Variants in NCALD observed in about 807,000 individuals in gnomAD.
NCALD encodes the protein neurocalcin delta, also known as neurocalcin-delta.
A neutral mutation model predicts 18.6 loss-of-function variants in NCALD; 10 were observed. That is an observed-to-expected ratio of 0.54 (90% confidence interval 0.33 to 0.91). NCALD has a LOEUF of 0.91. Ranked by LOEUF, NCALD falls within the 40% of genes least tolerant of loss-of-function variation. The pLI is 0.03. For missense variants in NCALD, 184 were observed against 247.6 expected (o/e 0.74, Z 1.72); for synonymous variants, 88 against 87.4 (o/e 1.01, Z -0.04).
intron 1 of NCALD, among the ~76,000 whole-genome samples, chr8:102,102,072 T>C (rs1400529571): frequency 1.3e-5 from 2 of 152,240 alleles, no homozygotes; most frequent in Non-Finnish European, 2.9e-5. Context: ...AGTGTTTTTC[T>C]TATTATTGCT....
intron 1 of NCALD, among the ~76,000 whole-genome samples, chr8:102,042,415 C>T (rs904524060): frequency 8.6e-5 from 13 of 151,940 alleles, no homozygotes; most frequent in Non-Finnish European, 1.6e-4. Flanking sequence ...GAGAGCTTCA[C>T]ATGGGGCTCC....
At chr8:101,794,130 T>C (rs6468795), upstream of NCALD, among the ~76,000 whole-genome samples, 119,515 of 152,202 alleles carry the variant, frequency 0.79, 47,081 homozygotes, top group African/African-American at 0.83. Context: ...AAAGTTAATA[T>C]ATTATAAAAT....
chr8:101,892,869 A>G (rs370727682), intron 3 of NCALD, among the ~76,000 whole-genome samples: 263 of 142,076 alleles, frequency 1.9e-3, no homozygotes, highest in African/African-American at 5.6e-3. Context: ...TATGTGAAAA[A>G]ACCAAATCTA....
chr8:101,692,665 C>T (rs773451699), intron 3 of NCALD, 126 bp downstream of exon 3: 99 of 1,379,160 alleles, frequency 7.2e-5, no homozygotes, highest in Non-Finnish European at 9.3e-5. Context: ...CCCTCCTACC[C>T]ACCCAGGAGG....
chr8:102,043,042 C>G (rs1307872821), intron 1 of NCALD, among the ~76,000 whole-genome samples: 2 of 151,882 alleles, frequency 1.3e-5, no homozygotes, highest in East Asian at 3.9e-4. Context: ...ACATACCACT[C>G]CAACCAGAAC....
chr8:101,792,567 T>C (rs1812485076), upstream of NCALD, among the ~76,000 whole-genome samples: 1 of 152,228 alleles, frequency 6.6e-6, no homozygotes, highest in South Asian at 2.1e-4. Context: ...GAATCCAATG[T>C]CTACCTAAAG....
At chr8:102,023,829 C>T (rs1479403935) in intron 1 of NCALD, among the ~76,000 whole-genome samples, 1 of 146,916 alleles carries the variant, frequency 6.8e-6, no homozygotes, top group Non-Finnish European at 1.5e-5. Context: ...CATCGTGGTG[C>T]CTTGACCCGT....
chr8:101,884,787 A>G (rs974501635), intron 4 of NCALD, among the ~76,000 whole-genome samples: 2 of 152,138 alleles, frequency 1.3e-5, no homozygotes, highest in Non-Finnish European at 2.9e-5. Flanking sequence ...CAGGGAATCA[A>G]TTACTCGACT....
intron 2 of NCALD, among the ~76,000 whole-genome samples, chr8:101,985,581 A>G (rs1454408050): frequency 6.6e-6 from 1 of 152,224 alleles, no homozygotes; most frequent in Non-Finnish European, 1.5e-5. Context: ...TATAACAAAG[A>G]AAAGCAGTTG....
intron 1 of NCALD, among the ~76,000 whole-genome samples, chr8:102,029,984 C>A (rs1822610447): frequency 6.6e-6 from 1 of 152,178 alleles, no homozygotes; most frequent in African/African-American, 2.4e-5. Flanking sequence ...ATTCCAGATA[C>A]TTGTCTAGAC....
chr8:102,043,292 G>T (rs2051248), intron 1 of NCALD, among the ~76,000 whole-genome samples: 15,789 of 151,920 alleles, frequency 0.1, 1,208 homozygotes, highest in African/African-American at 0.18. Flanking sequence ...TCTTTAGCAT[G>T]AAAGAGATTC....
rs1814638139 is a variant in NCALD at position 101,689,840 on chromosome 8, T to C, written c.485-434A>G. On this transcript the variant is annotated intron_variant, in intron 3 of 3. Transcript: ENST00000220931. This position sits in a 1 kb window ranked among gnomAD's most constrained non-coding sequence, Gnocchi z 4.4. ...AGCACCCGGTTGGTTCCCATAATGT[T>C]CCCTGGAGCCTTCTGAGCCACTTCG... Among the ~76,000 whole-genome samples, 1 of 152,182 alleles carries C rather than the reference T, an allele frequency of 6.6e-6. No homozygotes were observed. The highest frequency in any genetic ancestry group is 2.1e-4 in the South Asian group (1 of 4,818).
intron 1 of NCALD, among the ~76,000 whole-genome samples, chr8:102,122,849 G>A (rs1266736577): frequency 6.6e-6 from 1 of 152,234 alleles, no homozygotes; most frequent in Non-Finnish European, 1.5e-5. Flanking sequence ...TACAGACAGA[G>A]GGTCTACAGG....
chr8:101,869,172 C>T (rs1189313942), intron 4 of NCALD, among the ~76,000 whole-genome samples: 3 of 152,168 alleles, frequency 2.0e-5, no homozygotes, highest in African/African-American at 2.4e-5. Flanking sequence ...ATGTTACCTT[C>T]TATGGTAAGG....
At chr8:102,109,562 C>T (rs571459610) in intron 1 of NCALD, among the ~76,000 whole-genome samples, 2 of 152,152 alleles carry the variant, frequency 1.3e-5, no homozygotes, top group Admixed American at 6.5e-5. Flanking sequence ...TTTGCCCACT[C>T]GCCAGTGTCA....
intron 2 of NCALD, among the ~76,000 whole-genome samples, chr8:101,991,324 A>G (rs1821039911): frequency 6.6e-6 from 1 of 152,080 alleles, no homozygotes. Context: ...ACCTGTTCCT[A>G]TGAGGCTGCT....
At chr8:102,018,494 A>C (rs1822165119) in intron 2 of NCALD, among the ~76,000 whole-genome samples, 1 of 152,220 alleles carries the variant, frequency 6.6e-6, no homozygotes, top group Non-Finnish European at 1.5e-5. Flanking sequence ...ATCTGAAACA[A>C]AGGCCACGTA....
chr8:101,815,779 A>C (rs1813473538), intron 4 of NCALD, among the ~76,000 whole-genome samples: 1 of 152,150 alleles, frequency 6.6e-6, no homozygotes, highest in Admixed American at 6.6e-5. Context: ...ATGATCCAGC[A>C]ATCACACTCC....
At chr8:101,910,383 A>G (rs1473259211) in intron 3 of NCALD, among the ~76,000 whole-genome samples, 1 of 152,138 alleles carries the variant, frequency 6.6e-6, no homozygotes, top group Non-Finnish European at 1.5e-5. Context: ...GTCGCCAGAA[A>G]AGGAGAGCTC....
Sources: gnomAD v4.1 joint callset for allele counts (sites outside exome capture counted in the v4.1 genomes callset) on GRCh38, gnomAD v4.1.1 for gene constraint, Gnocchi (gnomAD v3.1) non-coding constraint, MANE v1.5 for transcripts, NCBI Gene and HGNC (gene_info 2026-07-23, HGNC 2026-07-21) for gene names.